The following FARP1 variants were observed in gnomAD, a reference collection of about 807,000 sequenced individuals.
FARP1 encodes the protein FERM, ARHGEF and pleckstrin domain-containing protein 1.
A neutral mutation model predicts 128.8 loss-of-function variants in FARP1; 52 were observed. The observed-to-expected ratio is 0.40, with a 90% CI of 0.32 to 0.51. The LOEUF is 0.51. FARP1 is among the 20% of genes least tolerant of loss of function. The pLI, the probability that FARP1 is intolerant of heterozygous loss-of-function variation, is 0.45. For synonymous variants in FARP1, 580 were observed against 551.8 expected (o/e 1.05, Z -0.72); for missense variants, 1,333 against 1,367.9 (o/e 0.97, Z 0.40).
Position 98,376,759 on chromosome 13 carries a change from G to GTT in FARP1, c.399-1043_399-1042dup, listed in dbSNP as rs34686053. Among the ~76,000 whole-genome samples, 66 of 103,436 alleles carry GTT rather than the reference G, an allele frequency of 6.4e-4. 1 individual carries two copies. The highest frequency in any genetic ancestry group is 1.8e-3 in the African/African-American group (51 of 27,892). The allele number at this position is 103,436 out of a possible 152,430, so 67.9% of individuals were successfully genotyped here. A position where few individuals can be genotyped will look rare whatever the true frequency, so the allele number is the denominator to read the frequency against. ...CCGATAGTACTTGAGGGTTTTTTGT[G>GTT]TTTTTTTTTTTTTTTTTTTTGCCAC... On this transcript the variant is annotated intron_variant, in intron 5 of 26. Transcript: ENST00000319562.
At chr13:98,153,793 C>T (rs1240314344) in intron 1 of FARP1, among the ~76,000 whole-genome samples, 2 of 151,652 alleles carry the variant, frequency 1.3e-5, no homozygotes, top group Non-Finnish European at 1.5e-5. Flanking sequence ...CAACTCCTGA[C>T]CTTAGGTGAT....
intron 13 of FARP1, among the ~76,000 whole-genome samples, chr13:98,408,957 C>T (rs1418661076): frequency 6.6e-6 from 1 of 151,734 alleles, no homozygotes; most frequent in Non-Finnish European, 1.5e-5. Flanking sequence ...GTTGTATTTT[C>T]TAATCATTTC....
intron 2 of FARP1, among the ~76,000 whole-genome samples, chr13:98,339,404 G>A (rs1887871683): frequency 6.6e-6 from 1 of 152,148 alleles, no homozygotes; most frequent in Admixed American, 6.5e-5. Flanking sequence ...GGGGAAATCT[G>A]CCCCCATGAT....
At chr13:98,290,340 G>GA (rs1023151655) in intron 2 of FARP1, among the ~76,000 whole-genome samples, 2 of 151,892 alleles carry the variant, frequency 1.3e-5, no homozygotes, top group African/African-American at 4.8e-5. Context: ...AGGCCTCTCT[G>GA]AAAAAGTGAC....
Position 98,283,296 on chromosome 13 carries a change from A to G in FARP1, c.172-60466A>G, listed in dbSNP as rs1283410321. ...AGGGAAGTTTTAGAGGAAGCCGTTCATGCAAATTTAAGGTCAAGAAAGACT... is the reference window on the plus strand; with the variant it reads ...AGGGAAGTTTTAGAGGAAGCCGTTCGTGCAAATTTAAGGTCAAGAAAGACT... On this transcript the variant is annotated intron_variant, in intron 2 of 26. Transcript: ENST00000319562. Among the ~76,000 whole-genome samples, 4 of 152,236 alleles carry G rather than the reference A, an allele frequency of 2.6e-5. No individual in the cohort carries two copies. The East Asian group carries it at 5.8e-4, about 22-fold the overall frequency.
At chr13:98,313,242 TACACAC>T (rs71111943) in intron 2 of FARP1, among the ~76,000 whole-genome samples, 44 of 120,020 alleles carry the variant, frequency 3.7e-4, no homozygotes, top group South Asian at 2.9e-3. Flanking sequence ...TGGGTCATAA[TACACAC>T]ACACACACAC....
At chr13:98,188,733 C>G (rs761647811) in intron 1 of FARP1, among the ~76,000 whole-genome samples, 11 of 152,268 alleles carry the variant, frequency 7.2e-5, no homozygotes, top group Non-Finnish European at 1.2e-4. Flanking sequence ...CTGCGGTGTC[C>G]ACACCCCCTG....
At chr13:98,290,722 G>T (rs1158908395) in intron 2 of FARP1, among the ~76,000 whole-genome samples, 1 of 152,060 alleles carries the variant, frequency 6.6e-6, no homozygotes, top group African/African-American at 2.4e-5. Flanking sequence ...TAGGTGGTGG[G>T]AAGTGCTGGG....
intron 1 of FARP1, among the ~76,000 whole-genome samples, chr13:98,156,442 A>T (rs777567354): frequency 6.6e-6 from 1 of 152,202 alleles, no homozygotes; most frequent in Non-Finnish European, 1.5e-5. Flanking sequence ...AAGATCTTGT[A>T]CTGTCACCCA....
At chr13:98,278,293 T>C (rs1338407733) in intron 2 of FARP1, among the ~76,000 whole-genome samples, 1 of 126,358 alleles carries the variant, frequency 7.9e-6, no homozygotes, top group Non-Finnish European at 1.6e-5. Flanking sequence ...TGTGTATGTA[T>C]GTGTGTGTGT....
At chr13:98,193,834 A>C (rs1185132900) in intron 1 of FARP1, among the ~76,000 whole-genome samples, 1 of 152,190 alleles carries the variant, frequency 6.6e-6, no homozygotes, top group East Asian at 1.9e-4. Flanking sequence ...ATTTAGTCTT[A>C]ATGAAGCCAT....
intron 5 of FARP1, among the ~76,000 whole-genome samples, chr13:98,377,374 CAAAA>C (rs34395673): frequency 0.02 from 2,679 of 134,586 alleles, 48 homozygotes; most frequent in Middle Eastern, 0.066. Context: ...AGTTACACCA[CAAAA>C]AAAAAAAAAA....
At chr13:98,362,926 C>G (rs994774533) in intron 3 of FARP1, among the ~76,000 whole-genome samples, 2 of 152,196 alleles carry the variant, frequency 1.3e-5, no homozygotes, top group African/African-American at 4.8e-5. Context: ...CTGGTTGTTA[C>G]GTCTTCAGTT....
Position 98,411,995 on chromosome 13 carries a change from C to G in FARP1, c.1787C>G (p.Thr596Ser), listed in dbSNP as rs751828887. ...PNFEPLHKFH[T>S]NFLKEIEQRL... ...TTTGAACCTTTGCACAAATTTCATA[C>G]TAATTTTCTCAAGGAAATTGAGCAA... is the stretch of plus-strand genomic sequence containing the variant. The change falls in exon 16 of 27, where the codon ACT (threonine) becomes AGT (serine). Residue 596 changes from threonine to serine, a missense_variant. Coordinates refer to ENST00000319562, the MANE Select transcript of FARP1 (RefSeq NM_005766.4). 1.1e-5 allele frequency: 18 copies of G among 1,613,946 alleles called. No individual in the cohort carries two copies. Among genetic ancestry groups the G allele is most frequent in the Non-Finnish European group, 1.5e-5 (18 of 1,179,926 alleles).
chr13:98,372,644 G>A (rs148714469), intron 5 of FARP1, among the ~76,000 whole-genome samples: 5 of 152,248 alleles, frequency 3.3e-5, no homozygotes, highest in African/African-American at 1.2e-4. Context: ...GAAGATGGTG[G>A]TTTTCCAGAT....
intron 1 of FARP1, among the ~76,000 whole-genome samples, chr13:98,173,874 G>C (rs1877814242): frequency 6.6e-6 from 1 of 152,344 alleles, no homozygotes; most frequent in Middle Eastern, 3.4e-3. Flanking sequence ...GCTGTGTAAG[G>C]TGGTGCAGTG....
chr13:98,227,479 G>C (rs916552760), intron 2 of FARP1, among the ~76,000 whole-genome samples: 1 of 151,552 alleles, frequency 6.6e-6, no homozygotes, highest in South Asian at 2.1e-4. Flanking sequence ...AAAAAAACGA[G>C]TACTGATGAG....
chr13:98,355,347 A>C (rs1309821498), intron 3 of FARP1, among the ~76,000 whole-genome samples: 4 of 152,202 alleles, frequency 2.6e-5, no homozygotes, highest in Non-Finnish European at 5.9e-5. Flanking sequence ...CCCTGTCTCA[A>C]AAAAATAAAA....
intron 18 of FARP1, chr13:98,432,505 A>G (rs1331970198): frequency 6.6e-6 from 1 of 152,276 alleles, no homozygotes; most frequent in Non-Finnish European, 1.5e-5. Flanking sequence ...CTGGCCTAGC[A>G]TGCGGAGTTG....
Sources: gnomAD v4.1 joint callset for allele counts (sites outside exome capture counted in the v4.1 genomes callset) on GRCh38, gnomAD v4.1.1 for gene constraint, MANE v1.5 for transcripts, NCBI Gene and HGNC (gene_info 2026-07-23, HGNC 2026-07-21) for gene names.